NAV3: variants seen among roughly 807,000 people sequenced by gnomAD.
NAV3 encodes neuron navigator 3, also known as pore membrane and/or filament interacting like protein 1.
A neutral mutation model predicts 244.7 loss-of-function variants in NAV3; 87 were observed. The ratio of observed to expected loss-of-function variants is 0.36; its 90% confidence interval spans 0.30 to 0.42. The LOEUF is 0.42. Among genes scored for constraint, NAV3 ranks in the 20% least tolerant of loss-of-function variants. The pLI, the probability that NAV3 is intolerant of heterozygous loss-of-function variation, is 1.00. For synonymous variants in NAV3, 1,126 were observed against 1,042.2 expected (o/e 1.08, Z -1.55); for missense variants, 2,663 against 2,893.3 (o/e 0.92, Z 1.83).
chr12:77,832,264 G>A (rs1214662489), intron 1 of NAV3, among the ~76,000 whole-genome samples: 2 of 152,030 alleles, frequency 1.3e-5, no homozygotes, highest in African/African-American at 4.8e-5. Context: ...AAACTGAAAC[G>A]CTACTCTTTT....
rs79775611 is a variant in NAV3 at position 77,693,755 on chromosome 12, T to C, written c.72+121489T>C. Among the ~76,000 whole-genome samples the C allele has an allele frequency of 5.9e-3, 892 of 152,196 alleles. 11 individuals are homozygous for C. The highest frequency in any genetic ancestry group is 0.02 in the African/African-American group (847 of 41,536). ...GTAGTTAATGTTAATAAAAGACCCCTTTTTTCCTCTGCTCTGGACTTTCAC... is the reference window on the plus strand; with the variant it reads ...GTAGTTAATGTTAATAAAAGACCCCCTTTTTCCTCTGCTCTGGACTTTCAC... On this transcript the variant is annotated intron_variant, in intron 2 of 8. Coordinates refer to the NAV3 transcript ENST00000550042.
chr12:77,671,979 TG>T lies in NAV3; in HGVS notation c.72+99716del, dbSNP rs1166928337. On this transcript the variant is annotated intron_variant, in intron 2 of 8. Coordinates refer to the NAV3 transcript ENST00000550042. ...TAGAGTTAACAGACAACCCACAGAG[TG>T]GGAGAAAATCTTCACAATCTATGCC... 2.0e-5 allele frequency among the ~76,000 whole-genome samples: 3 copies of T among 151,730 alleles called. No individual in the cohort carries two copies. The East Asian group carries it at 5.8e-4, about 29-fold the overall frequency.
intron 5 of NAV3, among the ~76,000 whole-genome samples, chr12:77,978,702 A>G (rs1868961462): frequency 6.6e-6 from 1 of 152,006 alleles, no homozygotes; most frequent in African/African-American, 2.4e-5. Context: ...TAAAGTCAAT[A>G]TTTATAATTT....
chr12:77,660,596 A>C (rs1361861815), intron 2 of NAV3, among the ~76,000 whole-genome samples: 1 of 152,160 alleles, frequency 6.6e-6, no homozygotes, highest in African/African-American at 2.4e-5. Context: ...TTGAGGAAAC[A>C]GGTATGATTG....
intron 2 of NAV3, among the ~76,000 whole-genome samples, chr12:77,735,754 G>C (rs1023473640): frequency 1.6e-4 from 25 of 152,216 alleles, no homozygotes; most frequent in African/African-American, 5.5e-4. Context: ...CCCATTGCTT[G>C]AATCTATCTA....
chr12:77,707,312 G>T (rs1875869305), intron 2 of NAV3, among the ~76,000 whole-genome samples: 1 of 149,730 alleles, frequency 6.7e-6, no homozygotes, highest in African/African-American at 2.5e-5. Flanking sequence ...TGTGGTGTTT[G>T]GTTTTTTGTC....
intron 2 of NAV3, among the ~76,000 whole-genome samples, chr12:77,615,766 G>T (rs756823420): frequency 1.4e-4 from 21 of 152,060 alleles, no homozygotes; most frequent in Admixed American, 6.6e-5. Flanking sequence ...ACTCTTGTTT[G>T]TGCTGTTAAT....
intron 2 of NAV3, among the ~76,000 whole-genome samples, chr12:77,594,688 TC>T (rs1369237819): frequency 6.6e-6 from 1 of 152,226 alleles, no homozygotes; most frequent in East Asian, 1.9e-4. Context: ...GACCGTTTTT[TC>T]CCCCCAGGAT....
At chr12:78,052,324 A>G (rs1440698783) in intron 11 of NAV3, 1 of 152,156 alleles carries the variant, frequency 6.6e-6, no homozygotes, top group Non-Finnish European at 1.5e-5. Context: ...TGACTTTCTA[A>G]AAATTTAGAA....
intron 2 of NAV3, among the ~76,000 whole-genome samples, chr12:77,661,667 T>C (rs139125389): frequency 1.1e-4 from 16 of 152,236 alleles, no homozygotes; most frequent in African/African-American, 3.8e-4. Context: ...TGGATGTTTA[T>C]AATCTTAGCT....
At chr12:77,658,801 G>A (rs1290866598) in intron 2 of NAV3, among the ~76,000 whole-genome samples, 2 of 151,396 alleles carry the variant, frequency 1.3e-5, no homozygotes, top group South Asian at 2.1e-4. Context: ...CAGAAATAAC[G>A]CCGCATATCT....
chr12:78,006,114 T>A (rs956769115), intron 7 of NAV3, among the ~76,000 whole-genome samples: 4 of 152,200 alleles, frequency 2.6e-5, no homozygotes, highest in Admixed American at 6.5e-5. Context: ...AGAGGAGGGA[T>A]AGTGTTTTGT....
At chr12:77,988,254 G>A (rs1870871377) in intron 5 of NAV3, among the ~76,000 whole-genome samples, 1 of 152,202 alleles carries the variant, frequency 6.6e-6, no homozygotes, top group Non-Finnish European at 1.5e-5. Context: ...TGATGTCAGT[G>A]TTGTTGGTCT....
intron 5 of NAV3, among the ~76,000 whole-genome samples, chr12:77,990,351 T>A (rs1006948055): frequency 6.6e-6 from 1 of 152,200 alleles, no homozygotes; most frequent in African/African-American, 2.4e-5. Context: ...AAATAGGTCA[T>A]CTGTTAGGAA....
intron 2 of NAV3, among the ~76,000 whole-genome samples, chr12:77,592,781 A>G (rs973396972): frequency 1.3e-5 from 2 of 152,170 alleles, no homozygotes; most frequent in Non-Finnish European, 2.9e-5. Context: ...GGTTGTCTGT[A>G]TATTGGGCAT....
intron 2 of NAV3, among the ~76,000 whole-genome samples, chr12:77,784,349 GA>G (rs1334274129): frequency 6.6e-6 from 1 of 152,102 alleles, no homozygotes; most frequent in Non-Finnish European, 1.5e-5. Context: ...ATATCTTTAA[GA>G]AAAACTCACA....
chr12:77,619,922 A>G (rs1382532068), intron 2 of NAV3, among the ~76,000 whole-genome samples: 4 of 152,096 alleles, frequency 2.6e-5, no homozygotes, highest in Non-Finnish European at 4.4e-5. Context: ...GGAAATTTTC[A>G]AATGTTTAAA....
At chr12:78,177,040 C>G (rs1958259887) in intron 26 of NAV3, 101 bp from the exon 27 acceptor site, 2 of 1,128,734 alleles carry the variant, frequency 1.8e-6, no homozygotes, top group Non-Finnish European at 2.7e-6. Context: ...TACATACTGA[C>G]CCCAGGCAGT....
chr12:77,878,090 AG>A, intron 1 of NAV3, among the ~76,000 whole-genome samples: 1 of 152,274 alleles, frequency 6.6e-6, no homozygotes, highest in Middle Eastern at 3.4e-3. Flanking sequence ...AGAAACTGGT[AG>A]GAAAAAGAGC....
Sources: allele counts gnomAD v4.1 joint callset (sites outside exome capture counted in the v4.1 genomes callset), GRCh38; gene constraint gnomAD v4.1.1; transcripts MANE v1.5; gene names NCBI Gene and HGNC (gene_info 2026-07-23, HGNC 2026-07-21).